The following GTF2F2 variants were observed in gnomAD, a reference collection of about 807,000 sequenced individuals.
GTF2F2 encodes the protein ATP-dependent helicase GTF2F2.
Under a neutral mutation model 42.2 loss-of-function variants are expected in GTF2F2, and 23 were observed. That is an observed-to-expected ratio of 0.55 (90% CI 0.39 to 0.77). The LOEUF (loss-of-function observed/expected upper bound fraction) is 0.77, where lower values mean the gene tolerates loss of function less well. Ranked by LOEUF, GTF2F2 falls within the 30% of genes least tolerant of loss-of-function variation. The pLI is 0.00. For missense variants in GTF2F2, 261 were observed against 287.2 expected, an observed-to-expected ratio of 0.91 and a Z score of 0.66; for synonymous variants, 105 against 100.8, an observed-to-expected ratio of 1.04 and a Z score of -0.25.
intron 2 of GTF2F2, among the ~76,000 whole-genome samples, chr13:45,137,460 A>G (rs2138101947): frequency 6.6e-6 from 1 of 152,340 alleles, no homozygotes; most frequent in East Asian, 1.9e-4. Context: ...TTGCTTCATA[A>G]CAAACCATCC....
At chr13:45,192,616 G>A (rs1198577738) in intron 4 of GTF2F2, among the ~76,000 whole-genome samples, 1 of 152,016 alleles carries the variant, frequency 6.6e-6, no homozygotes, top group African/African-American at 2.4e-5. Flanking sequence ...CTTTGCAGGG[G>A]GAAAATACAC....
intron 5 of GTF2F2, among the ~76,000 whole-genome samples, chr13:45,221,188 A>G (rs1874097746): frequency 1.3e-5 from 2 of 151,830 alleles, no homozygotes; most frequent in Admixed American, 6.6e-5. Flanking sequence ...AGTCTTACCC[A>G]TTTTTTACGC....
intron 4 of GTF2F2, among the ~76,000 whole-genome samples, chr13:45,168,214 T>C (rs978376377): frequency 1.3e-5 from 2 of 152,234 alleles, no homozygotes; most frequent in African/African-American, 4.8e-5. Flanking sequence ...GGCTGTGGCA[T>C]AGATGCCCCA....
intron 4 of GTF2F2, among the ~76,000 whole-genome samples, chr13:45,152,482 G>C (rs1375300665): frequency 6.6e-6 from 1 of 152,200 alleles, no homozygotes; most frequent in Non-Finnish European, 1.5e-5. Context: ...ATCCTTGCTT[G>C]TTTTAGTAAA....
chr13:45,201,985 A>G (rs1873208907), intron 4 of GTF2F2, among the ~76,000 whole-genome samples: 1 of 152,136 alleles, frequency 6.6e-6, no homozygotes, highest in African/African-American at 2.4e-5. Context: ...GCACAGACAC[A>G]CAGAGGCCAT....
rs1566137134 is a variant in GTF2F2, at chr13:45,212,469, T to TTTC, written c.386+4965_386+4966insTCT. ...CTTGTTTCTTTCTTTCTTTCTTTCTTTCTTTCTTTCTTTCTTTCTTTCTTT... is the reference window on the plus strand; with the variant it reads ...CTTGTTTCTTTCTTTCTTTCTTTCTTTTCTCTTTCTTTCTTTCTTTCTTTCTTT... On this transcript the variant is annotated intron_variant, in intron 5 of 7. Coordinates refer to ENST00000340473, the MANE Select transcript of GTF2F2 (RefSeq NM_004128.3). 3.5e-3 allele frequency among the ~76,000 whole-genome samples: 282 copies of TTTC among 80,288 alleles called. 9 individuals carry two copies. Among genetic ancestry groups the TTTC allele is most frequent in the African/African-American group, 0.015 (265 of 18,010 alleles). The allele number at this position is 80,288 out of a possible 152,430, so 52.7% of individuals were successfully genotyped here. A position where few individuals can be genotyped will look rare whatever the true frequency, so the allele number is the denominator to read the frequency against.
intron 4 of GTF2F2, among the ~76,000 whole-genome samples, chr13:45,169,502 T>C (rs911100002): frequency 1.3e-5 from 2 of 152,224 alleles, no homozygotes; most frequent in African/African-American, 2.4e-5. Context: ...AAATTTGTTA[T>C]GGCAGCCCCA....
intron 4 of GTF2F2, among the ~76,000 whole-genome samples, chr13:45,200,062 G>A (rs1015082421): frequency 2.0e-5 from 3 of 151,684 alleles, no homozygotes; most frequent in Admixed American, 6.6e-5. Flanking sequence ...TCTTAATATC[G>A]TTAGCTTGTC....
intron 4 of GTF2F2, among the ~76,000 whole-genome samples, chr13:45,152,728 T>C (rs1431620515): frequency 6.6e-6 from 1 of 152,226 alleles, no homozygotes; most frequent in African/African-American, 2.4e-5. Context: ...ATGTTTCCAT[T>C]TGTGAATTAA....
chr13:45,217,400 T>C lies in GTF2F2; in HGVS notation c.386+9895T>C, dbSNP rs1873940549. On this transcript the variant is annotated intron_variant, in intron 5 of 7. Coordinates refer to ENST00000340473, the MANE Select transcript of GTF2F2 (RefSeq NM_004128.3). ...TGTCCACCAAACTCCAGCTACACTT[T>C]TTAAAATAAACCATTACTCACATTT... Among the ~76,000 whole-genome samples the C allele has an allele frequency of 2.6e-5, 4 of 152,188 alleles. No individual in the cohort carries two copies. In the South Asian group the frequency reaches 6.2e-4, roughly 24 times the overall value.
chr13:45,142,608 T>C (rs983492976), intron 2 of GTF2F2, among the ~76,000 whole-genome samples: 1 of 152,206 alleles, frequency 6.6e-6, no homozygotes, highest in Admixed American at 6.5e-5. Context: ...TAACACATAA[T>C]CAGTCTTGTA....
intron 6 of GTF2F2, among the ~76,000 whole-genome samples, chr13:45,261,664 A>G (rs7319695): frequency 0.029 from 4,474 of 152,284 alleles, 200 homozygotes; most frequent in African/African-American, 0.095. Flanking sequence ...GTGGCTGCCA[A>G]CAAGTTAGAT....
At chr13:45,174,083 A>ATGTG (rs1301728630) in intron 4 of GTF2F2, among the ~76,000 whole-genome samples, 1 of 152,146 alleles carries the variant, frequency 6.6e-6, no homozygotes, top group Admixed American at 6.5e-5. Context: ...GATGTACCAC[A>ATGTG]GTACATCTAA....
chr13:45,180,853 A>C (rs975098396), intron 4 of GTF2F2, among the ~76,000 whole-genome samples: 1 of 152,060 alleles, frequency 6.6e-6, no homozygotes, highest in African/African-American at 2.4e-5. Context: ...GGTCTTTGTC[A>C]TATGTAGTCA....
At chr13:45,194,309 T>C (rs760123695) in intron 4 of GTF2F2, 2 of 1,614,178 alleles carry the variant, frequency 1.2e-6, no homozygotes, top group Middle Eastern at 1.6e-4. Context: ...AGGACATGCC[T>C]GAAGAGGAGA....
Position 45,149,758 on chromosome 13 carries a change from CCT to C in GTF2F2, c.141-8_141-7del, listed in dbSNP as rs1870390231. 2.7e-6 allele frequency: 4 copies of C among 1,500,720 alleles called. No individual in the cohort carries two copies. Among genetic ancestry groups the C allele is most frequent in the Non-Finnish European group, 3.6e-6 (4 of 1,119,538 alleles). The allele number at this position is 1,500,720 out of a possible 1,614,324, so 93.0% of individuals were successfully genotyped here. ...CTAAATTATTTTAAATATTTCTTTT[CCT>C]CTCCTTTAGGACTCAAGGAAGGACT... On this transcript the variant is annotated splice_polypyrimidine_tract_variant and intron_variant, in intron 2 of 7. Transcript: ENST00000340473.
chr13:45,124,937 C>T (rs535359362), intron 1 of GTF2F2, among the ~76,000 whole-genome samples: 1 of 152,312 alleles, frequency 6.6e-6, no homozygotes, highest in Admixed American at 6.5e-5. Context: ...ACCTTGGCCT[C>T]CCAAAGTGCT....
At chr13:45,227,613 A>G (rs1462985267) in intron 5 of GTF2F2, among the ~76,000 whole-genome samples, 1 of 152,198 alleles carries the variant, frequency 6.6e-6, no homozygotes, top group Non-Finnish European at 1.5e-5. Context: ...ATTTGCTTTC[A>G]TTGAAGAATT....
chr13:45,278,641 T>C (rs1301897951), intron 7 of GTF2F2, among the ~76,000 whole-genome samples: 1 of 151,762 alleles, frequency 6.6e-6, no homozygotes, highest in African/African-American at 2.4e-5. Flanking sequence ...CTCCTTTCTC[T>C]AGATCTCTAC....
Sources: gnomAD v4.1 joint callset for allele counts (sites outside exome capture counted in the v4.1 genomes callset) on GRCh38, gnomAD v4.1.1 for gene constraint, MANE v1.5 for transcripts, NCBI Gene and HGNC (gene_info 2026-07-23, HGNC 2026-07-21) for gene names.